The following ACSL3 variants were observed in gnomAD, a reference collection of about 807,000 sequenced individuals.
The protein encoded by ACSL3 is acyl-CoA synthetase long chain family member 3, also known as fatty acid CoA ligase Acsl3.
In ACSL3, 34 loss-of-function variants were observed where a neutral mutation model predicts 84.7. The observed-to-expected ratio is 0.40, with a 90% CI of 0.31 to 0.53. ACSL3 has a LOEUF of 0.53. ACSL3 is among the 20% of genes least tolerant of loss of function. The pLI, the probability that ACSL3 is intolerant of heterozygous loss-of-function variation, is 0.48. For synonymous variants in ACSL3, 315 were observed against 299.4 expected, an observed-to-expected ratio of 1.05 and a Z score of -0.54; for missense variants, 680 against 873.1, an observed-to-expected ratio of 0.78 and a Z score of 2.79.
intron 2 of ACSL3, 75 bp from the exon 3 acceptor site, chr2:222,900,599 G>GA (rs755213357): frequency 1.3e-5 from 2 of 151,996 alleles, no homozygotes; most frequent in Non-Finnish European, 2.9e-5. Flanking sequence ...TGTCTTGGTG[G>GA]AAGGCACCAA....
At chr2:222,875,946 A>G (rs906751445) in intron 1 of ACSL3, among the ~76,000 whole-genome samples, 2 of 152,200 alleles carry the variant, frequency 1.3e-5, no homozygotes, top group Non-Finnish European at 2.9e-5. Flanking sequence ...CTTGGGATTC[A>G]TATTTCAAAG....
chr2:222,933,383 T>C, intron 15 of ACSL3, 103 bp downstream of exon 15: 1 of 757,490 alleles, frequency 1.3e-6, no homozygotes, highest in Non-Finnish European at 2.1e-6. Context: ...CGAGAACTCT[T>C]CCTATCTGTT....
intron 15 of ACSL3, 26 bp from the exon 16 acceptor site, chr2:222,934,504 T>C (rs1697121325): frequency 1.3e-6 from 2 of 1,495,854 alleles, no homozygotes. Context: ...TTTTGTTCCT[T>C]ATCTGTTATC....
chr2:222,885,448 T>C lies in ACSL3; in HGVS notation c.-206-2382T>C, dbSNP rs1348679438. On this transcript the variant is annotated intron_variant, in intron 1 of 16. Coordinates refer to ENST00000357430, the MANE Select transcript of ACSL3 (RefSeq NM_004457.5). ...TTTTAATTTGTATTTCCTTGATAATTAATGAGGTTAACCATTTTTAATAGG... is the reference window on the plus strand; with the variant it reads ...TTTTAATTTGTATTTCCTTGATAATCAATGAGGTTAACCATTTTTAATAGG... 2.0e-5 allele frequency among the ~76,000 whole-genome samples: 3 copies of C among 152,334 alleles called. No individual in the cohort carries two copies. In the East Asian group the frequency reaches 5.8e-4, roughly 29 times the overall value.
intron 1 of ACSL3, among the ~76,000 whole-genome samples, chr2:222,877,043 C>T (rs1187271344): frequency 3.3e-5 from 5 of 151,958 alleles, no homozygotes; most frequent in Non-Finnish European, 7.4e-5. Context: ...ACATACCAAG[C>T]ATAAAGGCAT....
Position 222,934,386 on chromosome 2 carries a change from A to G in ACSL3, c.1848-144A>G, listed in dbSNP as rs986047949. On this transcript the variant is annotated intron_variant, in intron 15 of 16. Transcript: ENST00000357430. Reference sequence around the variant, plus strand: ...ATCAAACAGTAAAACTGGCGGTTGCATGAAATGGATATGCCAGTGCCAAGT... The same window carrying G: ...ATCAAACAGTAAAACTGGCGGTTGCGTGAAATGGATATGCCAGTGCCAAGT... 4 of 563,178 alleles carry G rather than the reference A, an allele frequency of 7.1e-6. No homozygotes were observed. In the African/African-American group the frequency reaches 7.8e-5, roughly 11 times the overall value. 34.9% of individuals were successfully genotyped at this position (563,178 alleles called of 1,614,324 possible). A position where few individuals can be genotyped will look rare whatever the true frequency, so the allele number is the denominator to read the frequency against.
chr2:222,941,248 C>CAG (rs887209192), intron 16 of ACSL3, among the ~76,000 whole-genome samples: 1 of 152,098 alleles, frequency 6.6e-6, no homozygotes, highest in East Asian at 1.9e-4. Flanking sequence ...TTTTCAATGA[C>CAG]AGAATATATA....
chr2:222,934,909 T>A (rs1559304504), intron 16 of ACSL3, among the ~76,000 whole-genome samples: 1 of 152,216 alleles, frequency 6.6e-6, no homozygotes, highest in Non-Finnish European at 1.5e-5. Context: ...TGTTCTTGTC[T>A]CTGCAACCTT....
chr2:222,878,735 C>T (rs1695519205), intron 1 of ACSL3, among the ~76,000 whole-genome samples: 1 of 151,900 alleles, frequency 6.6e-6, no homozygotes, highest in Admixed American at 6.6e-5. Context: ...TATATTTATG[C>T]GCTCATATTT....
chr2:222,886,373 C>T (rs1281343702), intron 1 of ACSL3, among the ~76,000 whole-genome samples: 1 of 152,138 alleles, frequency 6.6e-6, no homozygotes, highest in Non-Finnish European at 1.5e-5. Flanking sequence ...TGGTGGCTTC[C>T]AGCTTCATCC....
chr2:222,901,822 G>A (rs1696158329), intron 3 of ACSL3, among the ~76,000 whole-genome samples: 2 of 151,970 alleles, frequency 1.3e-5, no homozygotes, highest in Admixed American at 6.6e-5. Context: ...GAGCACGCCT[G>A]TAGTCTCAGC....
At chr2:222,885,499 TAA>T (rs1695697791) in intron 1 of ACSL3, among the ~76,000 whole-genome samples, 2 of 152,254 alleles carry the variant, frequency 1.3e-5, no homozygotes, top group African/African-American at 4.8e-5. Context: ...AATTTTCTGT[TAA>T]TATACATAGC....
intron 3 of ACSL3, among the ~76,000 whole-genome samples, chr2:222,905,252 C>G (rs936575327): frequency 4.6e-5 from 7 of 152,168 alleles, no homozygotes; most frequent in Non-Finnish European, 8.8e-5. Flanking sequence ...CTCGATCTCC[C>G]TAGGCTGAGG....
intron 1 of ACSL3, among the ~76,000 whole-genome samples, chr2:222,876,198 T>A (rs549532628): frequency 1.3e-5 from 2 of 152,250 alleles, no homozygotes; most frequent in African/African-American, 4.8e-5. Context: ...GTGTGTGATT[T>A]GTAAATCATA....
At chr2:222,913,268 C>G (rs933253788) in intron 4 of ACSL3, among the ~76,000 whole-genome samples, 6 of 152,142 alleles carry the variant, frequency 3.9e-5, no homozygotes, top group African/African-American at 1.4e-4. Context: ...TTTCCTCTTT[C>G]TTAATGCCGT....
chr2:222,937,059 C>T (rs1229910459), intron 16 of ACSL3, among the ~76,000 whole-genome samples: 1 of 152,142 alleles, frequency 6.6e-6, no homozygotes, highest in African/African-American at 2.4e-5. Flanking sequence ...AGAACTAAAC[C>T]TTATCAGGAC....
At position 222,916,422 on chromosome 2, in the gene ACSL3, A is replaced by T; in HGVS notation, c.482A>T (p.Asn161Ile). 6.2e-7 allele frequency: 1 copy of T among 1,614,146 alleles called. No individual in the cohort carries two copies. Among genetic ancestry groups the T allele is most frequent in the Non-Finnish European group, 8.5e-7 (1 of 1,179,998 alleles). Residue 161 changes from asparagine to isoleucine, a missense_variant, in exon 5 of 17, where the codon AAC (asparagine) becomes ATC (isoleucine). Physicochemically the swap from Asn to Ile is moderately radical, Grantham distance 149. Transcript: ENST00000357430. ...ATGTTGGGTCAGAAACCAAAGACCAACATCGCCATCTTCTGTGAGACCAGG... is the reference window on the plus strand; with the variant it reads ...ATGTTGGGTCAGAAACCAAAGACCATCATCGCCATCTTCTGTGAGACCAGG... ...LQMLGQKPKTNIAIFCETRAE... is the reference protein window; with the variant it reads ...LQMLGQKPKTIIAIFCETRAE...
At chr2:222,862,965 A>G (rs1695050998) in intron 1 of ACSL3, among the ~76,000 whole-genome samples, 1 of 152,212 alleles carries the variant, frequency 6.6e-6, no homozygotes, top group African/African-American at 2.4e-5. Flanking sequence ...TTGGGGTGAG[A>G]ATCAGATCTT....
At chr2:222,927,754 A>T (rs961745727) in intron 12 of ACSL3, among the ~76,000 whole-genome samples, 2 of 152,076 alleles carry the variant, frequency 1.3e-5, no homozygotes, top group Non-Finnish European at 2.9e-5. Context: ...GGAGAAAGTT[A>T]TTTTGCTTTC....
Sources: allele counts gnomAD v4.1 joint callset (sites outside exome capture counted in the v4.1 genomes callset), GRCh38; gene constraint gnomAD v4.1.1; transcripts MANE v1.5; gene names NCBI Gene and HGNC (gene_info 2026-07-23, HGNC 2026-07-21).